The following NRG1 variants were observed in gnomAD, a reference collection of about 807,000 sequenced individuals.
NRG1 encodes neuregulin 1.
NRG1 carries 18 observed loss-of-function variants against 63.8 expected under a neutral mutation model. The observed-to-expected ratio is 0.28, with a 90% CI of 0.19 to 0.42. The LOEUF is 0.42. Ranked by LOEUF, NRG1 falls within the 10% of genes least tolerant of loss-of-function variation. The pLI, the probability that NRG1 is intolerant of heterozygous loss-of-function variation, is 1.00. For missense variants in NRG1, 762 were observed against 814.7 expected (o/e 0.94, Z 0.79); for synonymous variants, 302 against 301.3 (o/e 1.00, Z -0.02).
chr8:32,365,803 A>G (rs913024491), intron 1 of NRG1, among the ~76,000 whole-genome samples: 1 of 152,122 alleles, frequency 6.6e-6, no homozygotes, highest in African/African-American at 2.4e-5. Flanking sequence ...TAGTTTGCTC[A>G]CCCTTGGTGC....
At chr8:32,446,068 C>T (rs1029865861) in intron 1 of NRG1, among the ~76,000 whole-genome samples, 16 of 152,076 alleles carry the variant, frequency 1.1e-4, no homozygotes, top group African/African-American at 3.6e-4. Flanking sequence ...TGGACTAAAC[C>T]TCAGTTTATT....
intron 1 of NRG1, among the ~76,000 whole-genome samples, chr8:31,643,339 T>A (rs951850971): frequency 1.3e-5 from 2 of 152,246 alleles, no homozygotes; most frequent in African/African-American, 4.8e-5. Flanking sequence ...GGGAACAGTT[T>A]CCAGCTCTGC....
At chr8:32,439,417 A>G (rs1352686836) in intron 1 of NRG1, among the ~76,000 whole-genome samples, 1 of 152,184 alleles carries the variant, frequency 6.6e-6, no homozygotes, top group Non-Finnish European at 1.5e-5. Flanking sequence ...CTTGTTTTCT[A>G]AATCTTAACT....
At chr8:31,944,547 G>A (rs1229159848) in intron 1 of NRG1, among the ~76,000 whole-genome samples, 3 of 151,998 alleles carry the variant, frequency 2.0e-5, no homozygotes, top group African/African-American at 7.3e-5. Flanking sequence ...TCCATTTCAG[G>A]GCTCTTGCTT....
chr8:31,785,447 A>G (rs1444070170), intron 1 of NRG1, among the ~76,000 whole-genome samples: 1 of 152,190 alleles, frequency 6.6e-6, no homozygotes, highest in Non-Finnish European at 1.5e-5. Flanking sequence ...AGTTCAGAAG[A>G]CAGCCATATT....
chr8:32,765,041 A>G (rs1365091763), exon 12 of NRG1: 1 of 150,848 alleles, frequency 6.6e-6, no homozygotes, highest in Non-Finnish European at 1.5e-5. Context: ...AAAAAAAACT[A>G]TATTATTAAT....
At chr8:32,744,182 T>C (rs1055155807) in intron 7 of NRG1, among the ~76,000 whole-genome samples, 1 of 152,180 alleles carries the variant, frequency 6.6e-6, no homozygotes, top group African/African-American at 2.4e-5. Context: ...TAAGTTTCTG[T>C]AATTCCTGTT....
chr8:32,004,811 G>A (rs1397330191), intron 1 of NRG1, among the ~76,000 whole-genome samples: 2 of 151,806 alleles, frequency 1.3e-5, no homozygotes, highest in Non-Finnish European at 2.9e-5. Flanking sequence ...GGGATGGAGA[G>A]TGTGAACAAA....
chr8:32,109,292 AT>A (rs2131429717), intron 1 of NRG1, among the ~76,000 whole-genome samples: 1 of 152,316 alleles, frequency 6.6e-6, no homozygotes, highest in African/African-American at 2.4e-5. Flanking sequence ...TAGAGGCACA[AT>A]AGATCATGAT....
chr8:32,417,132 A>G (rs1224977496), intron 1 of NRG1, among the ~76,000 whole-genome samples: 1 of 152,190 alleles, frequency 6.6e-6, no homozygotes, highest in East Asian at 1.9e-4. Flanking sequence ...GGACATACAA[A>G]CACTATTAAT....
chr8:32,427,282 A>G (rs1025952491), intron 1 of NRG1, among the ~76,000 whole-genome samples: 1 of 152,200 alleles, frequency 6.6e-6, no homozygotes, highest in African/African-American at 2.4e-5. Context: ...TCACAAGGAA[A>G]TATTTACAAA....
intron 9 of NRG1, among the ~76,000 whole-genome samples, chr8:32,757,230 T>C (rs1488792742): frequency 1.3e-5 from 2 of 152,330 alleles, no homozygotes; most frequent in East Asian, 3.9e-4. Context: ...TCTGGAGAGT[T>C]TGAAGATATT....
rs554676605 is a variant in NRG1 at position 31,820,651 on chromosome 8, T to A, written c.37+181220T>A. Among the ~76,000 whole-genome samples the A allele has an allele frequency of 4.0e-4, 61 of 152,286 alleles. 1 individual carries two copies. Among genetic ancestry groups the A allele is most frequent in the African/African-American group, 1.3e-3 (54 of 41,564 alleles). ...GGATGTTTGGCAGGGATTGAACCCATGAACTAGAATTATGAGCATTGGAAC... is the reference window on the plus strand; with the variant it reads ...GGATGTTTGGCAGGGATTGAACCCAAGAACTAGAATTATGAGCATTGGAAC... On this transcript the variant is annotated intron_variant, in intron 1 of 10. Transcript: ENST00000519301.
intron 1 of NRG1, among the ~76,000 whole-genome samples, chr8:32,323,768 C>T (rs984749678): frequency 2.0e-5 from 3 of 152,138 alleles, no homozygotes; most frequent in Non-Finnish European, 4.4e-5. Flanking sequence ...CTGGGTTGAT[C>T]CTGAGGAGTC....
intron 1 of NRG1, among the ~76,000 whole-genome samples, chr8:32,515,869 T>C (rs12549090): frequency 0.16 from 23,795 of 152,254 alleles, 2,426 homozygotes; most frequent in Admixed American, 0.3. Flanking sequence ...AGGTTGTCTG[T>C]GTACTCTGTC....
intron 7 of NRG1, among the ~76,000 whole-genome samples, chr8:32,748,358 C>CACACAGAGAGAGAGAGAGAG (rs748763782): frequency 9.6e-4 from 117 of 121,986 alleles, no homozygotes; most frequent in Non-Finnish European, 1.6e-3. Context: ...CACACACACA[C>CACACAGAGAGAGAGAGAGAG]AGAGAGAGAG....
intron 1 of NRG1, among the ~76,000 whole-genome samples, chr8:32,526,943 G>A (rs752608061): frequency 6.6e-6 from 1 of 152,090 alleles, no homozygotes; most frequent in Non-Finnish European, 1.5e-5. Context: ...TTGTACCTAA[G>A]AAATCTAGTC....
chr8:31,810,987 A>G (rs1231588583), intron 1 of NRG1, among the ~76,000 whole-genome samples: 1 of 152,174 alleles, frequency 6.6e-6, no homozygotes, highest in African/African-American at 2.4e-5. Flanking sequence ...AGAGATCATG[A>G]ATATCTTAAG....
chr8:32,616,794 C>A, intron 4 of NRG1, 41 bp from the exon 5 acceptor site: 3 of 1,507,874 alleles, frequency 2.0e-6, no homozygotes, highest in East Asian at 2.3e-5. Flanking sequence ...GTCCAAGCAG[C>A]ATGACTCAAT....
Sources: gnomAD v4.1 joint callset for allele counts (sites outside exome capture counted in the v4.1 genomes callset) on GRCh38, gnomAD v4.1.1 for gene constraint, MANE v1.5 for transcripts, NCBI Gene and HGNC (gene_info 2026-07-23, HGNC 2026-07-21) for gene names.